Variants in C11orf71 observed in about 807,000 individuals in gnomAD.
C11orf71 encodes the protein uncharacterized protein C11orf71.
For missense variants in C11orf71, 179 were observed against 167.6 expected, an observed-to-expected ratio of 1.07 and a Z score of -0.38; for synonymous variants, 72 against 73.4, an observed-to-expected ratio of 0.98 and a Z score of 0.09.
At chr11:114,397,265 CATT>C (rs1483388891), downstream of C11orf71, among the ~76,000 whole-genome samples, 1 of 152,118 alleles carries the variant, frequency 6.6e-6, no homozygotes, top group East Asian at 1.9e-4. Context: ...TATGTTTAAT[CATT>C]GATACTATAT....
chr11:114,394,224 T>TTTCC (rs1565256481), downstream of C11orf71, among the ~76,000 whole-genome samples: 798 of 74,426 alleles, frequency 0.011, 45 homozygotes, highest in Non-Finnish European at 0.011. Flanking sequence ...TTTTCTTTTC[T>TTTCC]TTTCTTTCTT....
At chr11:114,395,549 A>T (rs1946125255), downstream of C11orf71, among the ~76,000 whole-genome samples, 1 of 152,226 alleles carries the variant, frequency 6.6e-6, no homozygotes, top group African/African-American at 2.4e-5. Flanking sequence ...GTTGAAGGCA[A>T]TATTTTCTTC....
At chr11:114,394,259 T>C (rs560455092), downstream of C11orf71, among the ~76,000 whole-genome samples, 1,840 of 70,492 alleles carry the variant, frequency 0.026, 149 homozygotes, top group African/African-American at 0.15. Context: ...TTTCTTTTCT[T>C]TTCTTTTCTT....
At chr11:114,396,112 C>A (rs1946129199), downstream of C11orf71, among the ~76,000 whole-genome samples, 1 of 152,194 alleles carries the variant, frequency 6.6e-6, no homozygotes, top group Non-Finnish European at 1.5e-5. Context: ...AAATCCATTT[C>A]TAGTACCTGA....
chr11:114,393,943 A>C (rs979891078), downstream of C11orf71, among the ~76,000 whole-genome samples: 2 of 152,202 alleles, frequency 1.3e-5, no homozygotes, highest in African/African-American at 4.8e-5. Context: ...ATTAAATAAA[A>C]GAATCCTTGT....
chr11:114,395,646 G>T (rs938165647), downstream of C11orf71, among the ~76,000 whole-genome samples: 4 of 152,158 alleles, frequency 2.6e-5, no homozygotes, highest in African/African-American at 7.2e-5. Context: ...ACTTTAAAAA[G>T]AAAATACATC....
At position 114,399,915 on chromosome 11, in the gene C11orf71, A is replaced by T; in HGVS notation, c.*45T>A. On this transcript the variant is annotated 3_prime_UTR_variant, in exon 1 of 1. Transcript: ENST00000623205. ...GCTACACCAAGAAAGGATTTTAAAA[A>T]GGCCTGTTCACAAGCTAAGTGAGGG... 2 of 1,520,772 alleles carry T rather than the reference A, an allele frequency of 1.3e-6. No individual in the cohort carries two copies. The highest frequency in any genetic ancestry group is 1.8e-6 in the Non-Finnish European group (2 of 1,135,648). 94.2% of individuals were successfully genotyped at this position (1,520,772 alleles called of 1,614,324 possible).
At chr11:114,392,548 A>AAAAAAAAAAG (rs1461395379) in intron 1 of C11orf71, among the ~76,000 whole-genome samples, 3 of 124,854 alleles carry the variant, frequency 2.4e-5, no homozygotes, top group African/African-American at 8.8e-5. Flanking sequence ...AAAAAAAAAA[A>AAAAAAAAAAG]AAGAAGAAGA....
At chr11:114,394,282 C>CTTTTCTTTTCTTTT, downstream of C11orf71, among the ~76,000 whole-genome samples, 1 of 68,770 alleles carries the variant, frequency 1.5e-5, no homozygotes, top group East Asian at 5.0e-4. Context: ...CTTTTCTTTT[C>CTTTTCTTTTCTTTT]TTTTCTCTTA....
At chr11:114,392,308 C>G (rs56959632) in intron 1 of C11orf71, among the ~76,000 whole-genome samples, 1 of 151,746 alleles carries the variant, frequency 6.6e-6, no homozygotes, top group Non-Finnish European at 1.5e-5. Flanking sequence ...GAGGCCGAGG[C>G]GAGTGGATCA....
downstream of C11orf71, among the ~76,000 whole-genome samples, chr11:114,394,278 T>TTTTCC (rs1565256757): frequency 6.3e-5 from 5 of 79,648 alleles, no homozygotes; most frequent in Admixed American, 1.5e-4. Flanking sequence ...TTTTCTTTTC[T>TTTTCC]TTTCTTTTCT....
chr11:114,400,095 A>T lies in C11orf71; in HGVS notation c.237T>A (p.Asp79Glu), dbSNP rs1455897949. 17 of 1,613,760 alleles carry T rather than the reference A, an allele frequency of 1.1e-5. No homozygotes were observed. The highest frequency in any genetic ancestry group is 1.4e-5 in the Non-Finnish European group (17 of 1,179,888). Reference protein sequence around the residue: ...DGGGRSPREPDGRGRSRQARF... With the variant: ...DGGGRSPREPEGRGRSRQARF... ...TGGCTTGGCGGCTCCGGCCCCGGCC[A>T]TCTGGTTCCCTTGGGCTCCGGCCGC... The change falls in exon 1 of 1, where the codon GAT becomes GAA. Residue 79 changes from aspartate to glutamate, a missense_variant. Physicochemically the swap from Asp to Glu is conservative, Grantham distance 45. Coordinates refer to ENST00000623205, the MANE Select transcript of C11orf71 (RefSeq NM_001271562.2).
Position 114,400,287 on chromosome 11 carries a change from G to C in C11orf71, c.45C>G (p.Ser15Arg), listed in dbSNP as rs774402019. The C allele has an allele frequency of 1.2e-5, 20 of 1,610,206 alleles. No homozygotes were observed. Among genetic ancestry groups the C allele is most frequent in the Admixed American group, 3.4e-5 (2 of 59,522 alleles). The change falls in exon 1 of 1, where the codon AGC (serine) becomes AGG (arginine). Residue 15 changes from serine to arginine, a missense_variant. Ser to Arg is a moderately radical substitution (Grantham distance 110). Coordinates refer to ENST00000623205, the MANE Select transcript of C11orf71 (RefSeq NM_001271562.2). Reference protein sequence around the residue: ...NVSLSSGDQRSRVAYRSSHGD... With the variant: ...NVSLSSGDQRRRVAYRSSHGD... ...CATGGGAAGAGCGGTAGGCCACCCT[G>C]CTCCTCTGATCACCGGAGGACAGGG...
downstream of C11orf71, among the ~76,000 whole-genome samples, chr11:114,394,944 T>G (rs1248894856): frequency 6.6e-6 from 1 of 150,524 alleles, no homozygotes; most frequent in Non-Finnish European, 1.5e-5. Flanking sequence ...CCCAGGCAAC[T>G]AGATAATTGC....
chr11:114,396,190 AAG>A (rs916496509), downstream of C11orf71, among the ~76,000 whole-genome samples: 1 of 152,248 alleles, frequency 6.6e-6, no homozygotes, highest in Non-Finnish European at 1.5e-5. Flanking sequence ...GTTTCTGTAG[AAG>A]AGAGGCTCCC....
downstream of C11orf71, among the ~76,000 whole-genome samples, chr11:114,397,368 T>C (rs898217000): frequency 6.6e-6 from 1 of 152,214 alleles, no homozygotes; most frequent in South Asian, 2.1e-4. Flanking sequence ...GATAATTTAA[T>C]TAAAAAGGGG....
At chr11:114,394,241 T>C (rs1388968755), downstream of C11orf71, among the ~76,000 whole-genome samples, 6 of 58,614 alleles carry the variant, frequency 1.0e-4, no homozygotes, top group African/African-American at 5.5e-4. Flanking sequence ...TCTTTTCTTT[T>C]CTTTTCTTTT....
chr11:114,400,414 T>C lies in C11orf71; in HGVS notation c.-83A>G. On this transcript the variant is annotated 5_prime_UTR_variant, in exon 1 of 1. Coordinates refer to ENST00000623205, the MANE Select transcript of C11orf71 (RefSeq NM_001271562.2). ...CGGCTCCCCAGATCAGTCCAGCCTGTGTCGGACCCGATGACTAAGCACACA... is the reference window on the plus strand; with the variant it reads ...CGGCTCCCCAGATCAGTCCAGCCTGCGTCGGACCCGATGACTAAGCACACA... 2 of 1,465,106 alleles carry C rather than the reference T, an allele frequency of 1.4e-6. No individual in the cohort carries two copies. Among genetic ancestry groups the C allele is most frequent in the Non-Finnish European group, 1.8e-6 (2 of 1,102,598 alleles). The allele number at this position is 1,465,106 out of a possible 1,614,324, so 90.8% of individuals were successfully genotyped here. A position where few individuals can be genotyped will look rare whatever the true frequency, so the allele number is the denominator to read the frequency against.
rs1470775546 is a variant in C11orf71, at chr11:114,399,906, A to AT, written c.*53dup. ...ACGATTGCTGCTACACCAAGAAAGG[A>AT]TTTTAAAAAGGCCTGTTCACAAGCT... On this transcript the variant is annotated 3_prime_UTR_variant, in exon 1 of 1. Transcript: ENST00000623205. The AT allele has an allele frequency of 9.9e-6, 15 of 1,514,098 alleles. No individual in the cohort carries two copies. The highest frequency in any genetic ancestry group is 1.3e-5 in the Non-Finnish European group (15 of 1,133,478). The allele number at this position is 1,514,098 out of a possible 1,614,324, so 93.8% of individuals were successfully genotyped here. A position where few individuals can be genotyped will look rare whatever the true frequency, so the allele number is the denominator to read the frequency against.
Sources: gnomAD v4.1 joint callset for allele counts (sites outside exome capture counted in the v4.1 genomes callset) on GRCh38, gnomAD v4.1.1 for gene constraint, MANE v1.5 for transcripts, NCBI Gene and HGNC (gene_info 2026-07-23, HGNC 2026-07-21) for gene names.